RASSF3: variants seen among roughly 807,000 people sequenced by gnomAD.
RASSF3 encodes the protein ras association domain-containing protein 3.
In RASSF3, 19 loss-of-function variants were observed where a neutral mutation model predicts 19.9. The observed-to-expected ratio is 0.96, with a 90% CI of 0.67 to 1.40. The LOEUF is 1.40. Ranked by LOEUF, RASSF3 falls within the 40% of genes most tolerant of loss-of-function variation. The probability of loss-of-function intolerance (pLI) is 0.00; values close to 1 mark genes in which losing one functional copy is unlikely to be tolerated. For missense variants in RASSF3, 306 were observed against 289.8 expected (o/e 1.06, Z -0.41); for synonymous variants, 110 against 104.2 (o/e 1.06, Z -0.34).
intron 1 of RASSF3, among the ~76,000 whole-genome samples, chr12:64,669,009 G>A (rs144452402): frequency 6.6e-6 from 1 of 152,086 alleles, no homozygotes; most frequent in Non-Finnish European, 1.5e-5. Flanking sequence ...TGTTCCTAAG[G>A]AAGTCAAGTC....
rs572695183 is a variant in RASSF3 at position 64,624,228 on chromosome 12, A to G, written c.111+13485A>G. The stretch of plus-strand genomic sequence containing the variant: ...TTCCTAAAGGAGGAAGCTCTGTTAC[A>G]GTTTTAAAATTAACATTACAATGCA... On this transcript the variant is annotated intron_variant, in intron 1 of 4. Coordinates refer to ENST00000542104, the MANE Select transcript of RASSF3 (RefSeq NM_178169.4). Among the ~76,000 whole-genome samples the G allele has an allele frequency of 5.7e-4, 87 of 152,036 alleles. 2 individuals are homozygous for G. Among genetic ancestry groups the G allele is most frequent in the African/African-American group, 1.8e-3 (76 of 41,288 alleles).
intron 2 of RASSF3, among the ~76,000 whole-genome samples, chr12:64,568,495 C>T (rs999916881): frequency 2.0e-5 from 3 of 152,164 alleles, no homozygotes; most frequent in Non-Finnish European, 2.9e-5. Context: ...TCCTGCAGCT[C>T]CCTTTCCTCA....
At chr12:64,635,063 C>G (rs1343302711) in intron 1 of RASSF3, among the ~76,000 whole-genome samples, 2 of 150,776 alleles carry the variant, frequency 1.3e-5, no homozygotes, top group African/African-American at 4.9e-5. Context: ...TCACCCTTTT[C>G]CCACCTCAGC....
At chr12:64,690,234 T>G (rs7306784) in intron 3 of RASSF3, among the ~76,000 whole-genome samples, 2,477 of 152,184 alleles carry the variant, frequency 0.016, 72 homozygotes, top group African/African-American at 0.056. Context: ...CAGGCTGGTG[T>G]GCAGTGGCAC....
Position 64,661,111 on chromosome 12 carries a change from C to G in RASSF3, c.112-23676C>G, listed in dbSNP as rs73321766. On this transcript the variant is annotated intron_variant, in intron 1 of 4. Coordinates refer to ENST00000542104, the MANE Select transcript of RASSF3 (RefSeq NM_178169.4). ...GCATTGGGTTCAGATCCTGGCCTCA[C>G]TCAAATGGTAGCCGTAGCCGTGAGT... Among the ~76,000 whole-genome samples the G allele has an allele frequency of 7.0e-3, 1,066 of 152,282 alleles. 14 individuals carry two copies. Among genetic ancestry groups the G allele is most frequent in the African/African-American group, 0.025 (1,027 of 41,550 alleles).
chr12:64,539,690 T>G (rs1423673243), intron 1 of RASSF3, among the ~76,000 whole-genome samples: 1 of 152,058 alleles, frequency 6.6e-6, no homozygotes, highest in Non-Finnish European at 1.5e-5. Flanking sequence ...GTGGGAGGAC[T>G]GCTTAAACCC....
At chr12:64,562,665 G>C (rs567698985) in intron 2 of RASSF3, among the ~76,000 whole-genome samples, 8 of 151,942 alleles carry the variant, frequency 5.3e-5, no homozygotes, top group Non-Finnish European at 7.4e-5. Context: ...CTGTTGCTCA[G>C]GCTGGAGTGC....
At chr12:64,540,007 G>C (rs1477767829) in intron 1 of RASSF3, among the ~76,000 whole-genome samples, 1 of 152,004 alleles carries the variant, frequency 6.6e-6, no homozygotes, top group Non-Finnish European at 1.5e-5. Context: ...TTTTTATCTC[G>C]ATGGCTTACA....
chr12:64,630,479 T>C (rs1032635630), intron 1 of RASSF3, among the ~76,000 whole-genome samples: 2 of 152,154 alleles, frequency 1.3e-5, no homozygotes, highest in Non-Finnish European at 2.9e-5. Context: ...TGAGCTATGG[T>C]CACACCACTG....
chr12:64,525,739 C>CTT (rs34551684), intron 1 of RASSF3, among the ~76,000 whole-genome samples: 9 of 150,644 alleles, frequency 6.0e-5, no homozygotes, highest in African/African-American at 4.9e-5. Context: ...TCAAAGTCTA[C>CTT]TTTTTTTTTT....
chr12:64,509,598 GAGTA>G (rs1229264885), intron 1 of RASSF3, among the ~76,000 whole-genome samples: 3 of 152,164 alleles, frequency 2.0e-5, no homozygotes, highest in African/African-American at 4.8e-5. Context: ...GAGCAATGGT[GAGTA>G]AGTAACAGAA....
chr12:64,695,199 G>A lies in RASSF3; in HGVS notation c.*287G>A. 3.2e-6 allele frequency: 1 copy of A among 313,794 alleles called. No homozygotes were observed. Among genetic ancestry groups the A allele is most frequent in the Non-Finnish European group, 5.8e-6 (1 of 171,050 alleles). 19.4% of individuals were successfully genotyped at this position (313,794 alleles called of 1,614,324 possible). On this transcript the variant is annotated 3_prime_UTR_variant, in exon 5 of 5. Coordinates refer to ENST00000542104, the MANE Select transcript of RASSF3 (RefSeq NM_178169.4). ...GAGGGTGCTTGGAAGCATGAACTCT[G>A]GGGGTGTTTTTTTTTTTGGTTATTT...
At chr12:64,525,195 G>A (rs1592388885) in intron 1 of RASSF3, among the ~76,000 whole-genome samples, 2 of 152,302 alleles carry the variant, frequency 1.3e-5, no homozygotes, top group South Asian at 4.1e-4. Context: ...AGAATCACTT[G>A]AACCTGGAAA....
chr12:64,680,758 T>C (rs937854339), intron 1 of RASSF3, among the ~76,000 whole-genome samples: 2 of 151,946 alleles, frequency 1.3e-5, no homozygotes, highest in Non-Finnish European at 2.9e-5. Flanking sequence ...GGACTACAGG[T>C]GCTTGCCGCC....
chr12:64,554,553 C>A (rs1267520390), intron 2 of RASSF3, among the ~76,000 whole-genome samples: 3 of 152,160 alleles, frequency 2.0e-5, no homozygotes, highest in Admixed American at 6.6e-5. Flanking sequence ...GATCCACCCA[C>A]CTTGGCTTCC....
chr12:64,521,922 C>T (rs1291127415), intron 1 of RASSF3, among the ~76,000 whole-genome samples: 1 of 152,198 alleles, frequency 6.6e-6, no homozygotes, highest in East Asian at 1.9e-4. Context: ...CTCTGGGGTC[C>T]CTTCTCCCAA....
Position 64,508,313 on chromosome 12 carries a change from G to A in RASSF3, c.169+984G>A, listed in dbSNP as rs143508734. On this transcript the variant is annotated intron_variant, in intron 1 of 5. Coordinates refer to the RASSF3 transcript ENST00000637125. ...ATGCATTACCTGAGGTGAGGAGTTC[G>A]AGACCAGCCTGGCCAACATGGTGAA... 8.5e-3 allele frequency among the ~76,000 whole-genome samples: 1,282 copies of A among 150,714 alleles called. 16 individuals are homozygous for A. Among genetic ancestry groups the A allele is most frequent in the African/African-American group, 0.029 (1,194 of 41,010 alleles).
At chr12:64,579,346 CTTTT>C (rs1265939630) in intron 2 of RASSF3, among the ~76,000 whole-genome samples, 1 of 117,056 alleles carries the variant, frequency 8.5e-6, no homozygotes. Flanking sequence ...TAGCCAAGTT[CTTTT>C]TTTTTTTTTT....
chr12:64,604,532 T>G (rs1441266088), intron 2 of RASSF3, among the ~76,000 whole-genome samples: 1 of 152,104 alleles, frequency 6.6e-6, no homozygotes. Context: ...GCAACCAGGG[T>G]GATAGTTGCA....
Sources: gnomAD v4.1 joint callset for allele counts (sites outside exome capture counted in the v4.1 genomes callset) on GRCh38, gnomAD v4.1.1 for gene constraint, MANE v1.5 for transcripts, NCBI Gene and HGNC (gene_info 2026-07-23, HGNC 2026-07-21) for gene names.